DPF3: variants seen among roughly 807,000 people sequenced by gnomAD.
DPF3 encodes double PHD fingers 3, also known as zinc finger protein DPF3.
In DPF3, 18 loss-of-function variants were observed where a neutral mutation model predicts 56.8. The ratio of observed to expected loss-of-function variants is 0.32; its 90% CI spans 0.22 to 0.47. DPF3 has a LOEUF of 0.47. Ranked by LOEUF, DPF3 falls within the 20% of genes least tolerant of loss-of-function variation. DPF3 has a pLI of 1.00. For synonymous variants in DPF3, 188 were observed against 180.2 expected (o/e 1.04, Z -0.35); for missense variants, 403 against 488.8 (o/e 0.82, Z 1.65).
rs1884491529 is a variant in DPF3, at chr14:72,622,168, A to G, written c.985-2184T>C. Among the ~76,000 whole-genome samples the G allele has an allele frequency of 2.0e-5, 3 of 152,182 alleles. No individual in the cohort carries two copies. The South Asian group carries it at 6.2e-4, about 32-fold the overall frequency. On this transcript the variant is annotated intron_variant, in intron 9 of 10. Coordinates refer to ENST00000556509, the MANE Select transcript of DPF3 (RefSeq NM_001280542.3). ...CATAGGTAGAAATGTACATTTTTCT[A>G]TGGAAAGAGTAAGTCCGTAGCTTTC...
chr14:72,694,280 G>A (rs1887819129), intron 6 of DPF3, among the ~76,000 whole-genome samples: 1 of 151,686 alleles, frequency 6.6e-6, no homozygotes, highest in African/African-American at 2.4e-5. Context: ...TTCTATGCTT[G>A]TCCCCCAGCC....
chr14:72,624,640 C>T (rs921578555), intron 9 of DPF3, among the ~76,000 whole-genome samples: 9 of 152,134 alleles, frequency 5.9e-5, no homozygotes, highest in Non-Finnish European at 1.5e-5. Flanking sequence ...CGCCCGGCCC[C>T]CAACCTATGT....
intron 3 of DPF3, among the ~76,000 whole-genome samples, chr14:72,743,600 CAAAAAA>C (rs57448538): frequency 7.1e-6 from 1 of 141,750 alleles, no homozygotes; most frequent in Non-Finnish European, 1.5e-5. Flanking sequence ...TTTCTTCATT[CAAAAAA>C]AAAAAAAAAA....
intron 1 of DPF3, among the ~76,000 whole-genome samples, chr14:72,833,563 T>G (rs1884153636): frequency 6.6e-6 from 1 of 151,054 alleles, no homozygotes; most frequent in Admixed American, 6.6e-5. Context: ...ACAGAAACTC[T>G]GGGGGAAAAA....
chr14:72,716,677 A>G (rs995754223), intron 5 of DPF3, among the ~76,000 whole-genome samples: 1 of 152,194 alleles, frequency 6.6e-6, no homozygotes, highest in African/African-American at 2.4e-5. Context: ...AACCTGGCAC[A>G]GGGCCAGCCA....
chr14:72,639,032 T>C (rs1443023970), intron 8 of DPF3, among the ~76,000 whole-genome samples: 7 of 152,168 alleles, frequency 4.6e-5, no homozygotes, highest in Admixed American at 4.6e-4. Context: ...TTAGCCAGGA[T>C]GGTCTCGATC....
At chr14:72,856,594 A>G (rs1313085599) in intron 1 of DPF3, among the ~76,000 whole-genome samples, 11 of 152,166 alleles carry the variant, frequency 7.2e-5, no homozygotes, top group African/African-American at 2.4e-4. Context: ...CCCACAGGAG[A>G]TAATATTTTG....
intron 1 of DPF3, among the ~76,000 whole-genome samples, chr14:72,792,001 T>C (rs1251939371): frequency 6.6e-6 from 1 of 152,208 alleles, no homozygotes; most frequent in Admixed American, 6.5e-5. Flanking sequence ...GAGGGCTCCA[T>C]GCTGCCTAGA....
At chr14:72,813,517 A>C (rs1340600331) in intron 1 of DPF3, among the ~76,000 whole-genome samples, 1 of 152,178 alleles carries the variant, frequency 6.6e-6, no homozygotes, top group Non-Finnish European at 1.5e-5. Flanking sequence ...CTACATCAGA[A>C]CAAACCCACT....
chr14:72,795,799 C>A (rs985009479), intron 1 of DPF3, among the ~76,000 whole-genome samples: 2 of 152,172 alleles, frequency 1.3e-5, no homozygotes, highest in African/African-American at 4.8e-5. Flanking sequence ...GGTCCAGAAC[C>A]ATGGATCTCA....
intron 8 of DPF3, among the ~76,000 whole-genome samples, chr14:72,665,358 A>G (rs1941409304): frequency 6.6e-6 from 1 of 152,230 alleles, no homozygotes; most frequent in South Asian, 2.1e-4. Context: ...TTGCCAAATG[A>G]ACCGAGGTAT....
At chr14:72,695,577 C>A (rs1166283595) in intron 6 of DPF3, among the ~76,000 whole-genome samples, 2 of 152,170 alleles carry the variant, frequency 1.3e-5, no homozygotes, top group African/African-American at 4.8e-5. Flanking sequence ...CCAGCTGCAT[C>A]CATGTTGCAA....
chr14:72,858,264 C>T lies in DPF3; in HGVS notation c.32+35793G>A, dbSNP rs1295963765. Among the ~76,000 whole-genome samples, 4 of 150,594 alleles carry T rather than the reference C, an allele frequency of 2.7e-5. No homozygotes were observed. The South Asian group carries it at 6.3e-4, about 24-fold the overall frequency. On this transcript the variant is annotated intron_variant, in intron 1 of 10. Transcript: ENST00000556509. ...CGGAGGTTGCAGTGAGCCAATATCA[C>T]ACCACTGCACTCCAGCCTGGGTGAC...
rs188028058 is a variant in DPF3 at position 72,609,591 on chromosome 14, G to A, written c.*9706C>T. Among the ~76,000 whole-genome samples, 3 of 152,308 alleles carry A rather than the reference G, an allele frequency of 2.0e-5. No homozygotes were observed. Among genetic ancestry groups the A allele is most frequent in the Non-Finnish European group, 4.4e-5 (3 of 68,026 alleles). Reference sequence around the variant, plus strand: ...CACAGCACTTCACGTTAGGAACCACGAAAGAGTGGGAACCTGACACACGTG... The same window carrying A: ...CACAGCACTTCACGTTAGGAACCACAAAAGAGTGGGAACCTGACACACGTG... On this transcript the variant is annotated 3_prime_UTR_variant, in exon 11 of 11. Coordinates refer to ENST00000556509, the MANE Select transcript of DPF3 (RefSeq NM_001280542.3).
At chr14:72,742,891 T>A (rs1890185488) in intron 3 of DPF3, among the ~76,000 whole-genome samples, 1 of 152,140 alleles carries the variant, frequency 6.6e-6, no homozygotes, top group South Asian at 2.1e-4. Flanking sequence ...CTGCTCGAGC[T>A]GGCCAGACTC....
chr14:72,772,782 C>T (rs1891587094), intron 1 of DPF3, among the ~76,000 whole-genome samples: 1 of 152,096 alleles, frequency 6.6e-6, no homozygotes, highest in South Asian at 2.1e-4. Context: ...AGATCAAATA[C>T]CTACCAAATA....
At chr14:72,629,523 C>T in intron 9 of DPF3, 101 bp downstream of exon 9, 6 of 1,158,072 alleles carry the variant, frequency 5.2e-6, no homozygotes, top group Non-Finnish European at 7.4e-6. Flanking sequence ...GGGTAACAGG[C>T]CCCAGGGGCC....
At chr14:72,754,231 G>A (rs1426300724) in intron 2 of DPF3, among the ~76,000 whole-genome samples, 2 of 152,188 alleles carry the variant, frequency 1.3e-5, no homozygotes, top group East Asian at 1.9e-4. Flanking sequence ...AAATGGGGCG[G>A]GGAAGAGGCT....
chr14:72,671,418 T>C lies in DPF3; in HGVS notation c.871+2822A>G. ...TAATATTCTCATTACATTATTACAATGCTATTCTTAATAGCAAGATATAAA... is the reference window on the plus strand; with the variant it reads ...TAATATTCTCATTACATTATTACAACGCTATTCTTAATAGCAAGATATAAA... On this transcript the variant is annotated intron_variant, in intron 8 of 10. Transcript: ENST00000556509. 1.9e-6 allele frequency: 3 copies of C among 1,566,418 alleles called. No homozygotes were observed. In the South Asian group the frequency reaches 3.3e-5, roughly 17 times the overall value.
Sources: gnomAD v4.1 joint callset for allele counts (sites outside exome capture counted in the v4.1 genomes callset) on GRCh38, gnomAD v4.1.1 for gene constraint, MANE v1.5 for transcripts, NCBI Gene and HGNC (gene_info 2026-07-23, HGNC 2026-07-21) for gene names.